DOCK5: variants seen among roughly 807,000 people sequenced by gnomAD.
DOCK5 encodes the protein dedicator of cytokinesis 5, also known as dedicator of cytokinesis protein 5.
DOCK5 carries 142 observed loss-of-function variants against 251.8 expected under a neutral mutation model. The ratio of observed to expected loss-of-function variants is 0.56; its 90% CI spans 0.49 to 0.65. The LOEUF (loss-of-function observed/expected upper bound fraction) is 0.65. DOCK5 is among the 30% of genes least tolerant of loss of function. The pLI is 0.00. For missense variants in DOCK5, 2,111 were observed against 2,312.3 expected (o/e 0.91, Z 1.79); for synonymous variants, 842 against 835.5 (o/e 1.01, Z -0.13).
intron 2 of DOCK5, among the ~76,000 whole-genome samples, chr8:25,261,171 C>T (rs1461997738): frequency 1.3e-5 from 2 of 152,034 alleles, no homozygotes; most frequent in African/African-American, 4.8e-5. Context: ...AACTTTTAGC[C>T]CTATATGAAG....
At chr8:25,397,641 C>T (rs2117329901) in intron 45 of DOCK5, among the ~76,000 whole-genome samples, 1 of 152,338 alleles carries the variant, frequency 6.6e-6, no homozygotes, top group South Asian at 2.1e-4. Context: ...GTAATACTTT[C>T]AGTGTGTACT....
chr8:25,272,554 G>C (rs371911593), intron 3 of DOCK5, among the ~76,000 whole-genome samples: 1 of 152,128 alleles, frequency 6.6e-6, no homozygotes, highest in Non-Finnish European at 1.5e-5. Flanking sequence ...CTTCAGCAGG[G>C]ATGTTCCTTT....
intron 1 of DOCK5, among the ~76,000 whole-genome samples, chr8:25,195,052 C>T (rs1036400389): frequency 1.3e-5 from 2 of 151,926 alleles, no homozygotes; most frequent in Admixed American, 6.6e-5. Flanking sequence ...TCCCGAGTAG[C>T]TGGGACTACA....
At chr8:25,339,030 G>C (rs1261431148) in intron 22 of DOCK5, among the ~76,000 whole-genome samples, 1 of 152,102 alleles carries the variant, frequency 6.6e-6, no homozygotes, top group African/African-American at 2.4e-5. Context: ...CCTGCGTGTG[G>C]TTACTTTTCC....
At chr8:25,374,769 TA>T (rs1274377740) in intron 37 of DOCK5, 115 bp downstream of exon 37, 1 of 1,594,834 alleles carries the variant, frequency 6.3e-7, no homozygotes, top group African/African-American at 1.3e-5. Context: ...AATATCCTTT[TA>T]TACAAGTTTT....
At chr8:25,334,547 C>CA (rs1430344909) in intron 21 of DOCK5, among the ~76,000 whole-genome samples, 1 of 151,846 alleles carries the variant, frequency 6.6e-6, no homozygotes, top group Non-Finnish European at 1.5e-5. Context: ...CCTATCTTTA[C>CA]AAAAAATTAA....
chr8:25,193,691 G>C (rs751209872), intron 1 of DOCK5, among the ~76,000 whole-genome samples: 2 of 152,098 alleles, frequency 1.3e-5, no homozygotes, highest in Non-Finnish European at 2.9e-5. Flanking sequence ...CTGAGCCTGG[G>C]GAGGTCAAGG....
In DOCK5 at chr8:25,413,202, A is replaced by T. The variant is rs1359921660; in HGVS notation, c.*1904A>T. 1 of 152,140 alleles carries T rather than the reference A, an allele frequency of 6.6e-6. No homozygotes were observed. The highest frequency in any genetic ancestry group is 1.5e-5 in the Non-Finnish European group (1 of 68,036). The allele number at this position is 152,140 out of a possible 1,614,324, so 9.4% of individuals were successfully genotyped here. On this transcript the variant is annotated 3_prime_UTR_variant, in exon 52 of 52. Transcript: ENST00000276440. ...AGATGAAATATGGGAAAGAAGAGGT[A>T]CTCACCTGATGGTCCCTGCTTTCCT...
chr8:25,368,822 C>T, intron 33 of DOCK5, 97 bp downstream of exon 33: 2 of 1,256,872 alleles, frequency 1.6e-6, no homozygotes, highest in Non-Finnish European at 2.1e-6. Context: ...CTTAATAATG[C>T]AAGTCCATGT....
chr8:25,238,091 C>T lies in DOCK5; in HGVS notation c.44-5583C>T, dbSNP rs534104383. 6.4e-4 allele frequency among the ~76,000 whole-genome samples: 97 copies of T among 152,274 alleles called. 1 individual carries two copies. The highest frequency in any genetic ancestry group is 6.8e-3 in the Middle Eastern group (2 of 294). On this transcript the variant is annotated intron_variant, in intron 1 of 51. Coordinates refer to ENST00000276440, the MANE Select transcript of DOCK5 (RefSeq NM_024940.8). ...CATTCTTGAAATAGCATCAGACTAGCGGACAATGTGATCACCAGTCACTGA... is the reference window on the plus strand; with the variant it reads ...CATTCTTGAAATAGCATCAGACTAGTGGACAATGTGATCACCAGTCACTGA...
chr8:25,332,666 T>C lies in DOCK5; in HGVS notation c.2065T>C (p.Tyr689His), dbSNP rs750158433. The change falls in exon 20 of 52, where the codon TAT (tyrosine) becomes CAT (histidine). Residue 689 changes from tyrosine to histidine, a missense_variant. By Grantham distance (83) the Tyr-to-His change is moderately conservative. This residue lies in a region of DOCK5 where 1,717 missense variants were observed against 1,892.4 expected (regional missense o/e 0.91). Transcript: ENST00000276440. Reference protein sequence around the residue: ...IMMEMSDSETYDFLVFDALVF... With the variant: ...IMMEMSDSETHDFLVFDALVF... ...GATGGAAATGTCAGACAGTGAAACCTATGACTTCCTTGTGTTTGACGCACT... is the reference window on the plus strand; with the variant it reads ...GATGGAAATGTCAGACAGTGAAACCCATGACTTCCTTGTGTTTGACGCACT... The C allele has an allele frequency of 6.8e-6, 11 of 1,612,292 alleles. No individual in the cohort carries two copies. Among genetic ancestry groups the C allele is most frequent in the Non-Finnish European group, 8.5e-7 (1 of 1,179,340 alleles).
At chr8:25,212,160 CA>C (rs34369476) in intron 1 of DOCK5, among the ~76,000 whole-genome samples, 35,741 of 37,008 alleles carry the variant, frequency 0.97, 17,306 homozygotes, top group Middle Eastern at 1. Flanking sequence ...GACTCCGTCT[CA>C]AAAAAAAAAA....
intron 1 of DOCK5, among the ~76,000 whole-genome samples, chr8:25,185,935 C>T (rs991705507): frequency 6.6e-6 from 1 of 152,158 alleles, no homozygotes; most frequent in African/African-American, 2.4e-5. Flanking sequence ...GGGTGATTCC[C>T]TACAATAAAC....
intron 2 of DOCK5, among the ~76,000 whole-genome samples, chr8:25,249,146 A>C (rs113588828): frequency 6.6e-6 from 1 of 152,034 alleles, no homozygotes; most frequent in Non-Finnish European, 1.5e-5. Context: ...CTACTGGTAC[A>C]TGCCACCATG....
chr8:25,415,250 T>C lies in DOCK5; in HGVS notation c.*3952T>C, dbSNP rs1801689537. 6.6e-6 allele frequency: 1 copy of C among 152,216 alleles called. No individual in the cohort carries two copies. Among genetic ancestry groups the C allele is most frequent in the South Asian group, 2.1e-4 (1 of 4,836 alleles). The allele number at this position is 152,216 out of a possible 1,614,324, so 9.4% of individuals were successfully genotyped here. On this transcript the variant is annotated 3_prime_UTR_variant, in exon 52 of 52. Transcript: ENST00000276440. ...TGTCATTTCCATAGTAGTCTAAGGC[T>C]TCACCAGCCTGGCCCACTGTATCTA... is the stretch of plus-strand genomic sequence containing the variant.
At chr8:25,273,449 A>G (rs185956689) in intron 3 of DOCK5, among the ~76,000 whole-genome samples, 67 of 152,324 alleles carry the variant, frequency 4.4e-4, no homozygotes, top group African/African-American at 1.5e-3. Flanking sequence ...CTAAAAATAC[A>G]AAAATTAGCC....
chr8:25,245,773 C>G (rs951949805), intron 2 of DOCK5, among the ~76,000 whole-genome samples: 2 of 152,156 alleles, frequency 1.3e-5, no homozygotes, highest in African/African-American at 4.8e-5. Context: ...CTCCTGAGCT[C>G]AGGTGATAGC....
intron 1 of DOCK5, among the ~76,000 whole-genome samples, chr8:25,185,382 C>G (rs1159277984): frequency 1.3e-5 from 2 of 152,106 alleles, no homozygotes; most frequent in Non-Finnish European, 1.5e-5. Flanking sequence ...GCTTTCTGCC[C>G]CCCGCTTTCG....
intron 1 of DOCK5, among the ~76,000 whole-genome samples, chr8:25,213,197 ACGGGGAAGGTCTC>A (rs1241428434): frequency 6.6e-6 from 1 of 151,882 alleles, no homozygotes; most frequent in African/African-American, 2.4e-5. Flanking sequence ...GACCTAGGAA[ACGGGGAAGGTCTC>A]CGTGTTTCCA....
Sources: allele counts gnomAD v4.1 joint callset (sites outside exome capture counted in the v4.1 genomes callset), GRCh38; gene constraint gnomAD v4.1.1; regional missense constraint gnomAD v4.1.1; transcripts MANE v1.5; gene names NCBI Gene and HGNC (gene_info 2026-07-23, HGNC 2026-07-21).